COL21A1: variants seen among roughly 807,000 people sequenced by gnomAD.
The protein encoded by COL21A1 is collagen alpha-1(XXI) chain.
A neutral mutation model predicts 137.9 loss-of-function variants in COL21A1; 149 were observed. The observed-to-expected ratio is 1.08, with a 90% CI of 0.95 to 1.24. The LOEUF is 1.24. Among genes scored for constraint, COL21A1 ranks in the 50% most tolerant of loss-of-function variants. The pLI, the probability that COL21A1 is intolerant of heterozygous loss-of-function variation, is 0.00. For missense variants in COL21A1, 1,167 were observed against 1,158.4 expected (o/e 1.01, Z -0.11); for synonymous variants, 456 against 391.5 (o/e 1.16, Z -1.95).
chr6:56,355,225 G>C (rs1171570633), intron 1 of COL21A1, among the ~76,000 whole-genome samples: 1 of 152,222 alleles, frequency 6.6e-6, no homozygotes, highest in Non-Finnish European at 1.5e-5. Flanking sequence ...CTATGGAATA[G>C]TGCTGCCAAG....
intron 17 of COL21A1, among the ~76,000 whole-genome samples, chr6:56,097,846 AATATATAT>A (rs67546831): frequency 0.023 from 956 of 42,236 alleles, 97 homozygotes; most frequent in African/African-American, 0.062. Flanking sequence ...TAAATATATA[AATATATAT>A]AAATATATAA....
At chr6:56,333,716 C>G (rs1765280440) in intron 1 of COL21A1, among the ~76,000 whole-genome samples, 3 of 152,104 alleles carry the variant, frequency 2.0e-5, no homozygotes, top group African/African-American at 7.2e-5. Context: ...TCCAAAGTAT[C>G]ATTTTACTTT....
intron 18 of COL21A1, 101 bp from the exon 19 acceptor site, chr6:56,075,633 T>A (rs1039670832): frequency 6.1e-6 from 5 of 821,054 alleles, no homozygotes; most frequent in Non-Finnish European, 7.5e-6. Context: ...TGAATATCAA[T>A]CAGTTCACCT....
intron 1 of COL21A1, among the ~76,000 whole-genome samples, chr6:56,375,529 G>A (rs907172331): frequency 6.6e-6 from 1 of 152,072 alleles, no homozygotes; most frequent in African/African-American, 2.4e-5. Flanking sequence ...CCTTCTTCTT[G>A]CCCTGTCAGG....
intron 1 of COL21A1, among the ~76,000 whole-genome samples, chr6:56,258,964 C>T (rs897801999): frequency 1.3e-5 from 2 of 152,188 alleles, no homozygotes; most frequent in African/African-American, 2.4e-5. Context: ...TCATTATTAA[C>T]ATATTAAGGG....
intron 17 of COL21A1, among the ~76,000 whole-genome samples, chr6:56,081,188 CT>C (rs1443575886): frequency 1.3e-5 from 2 of 151,746 alleles, no homozygotes; most frequent in African/African-American, 2.4e-5. Context: ...TTGAAGTCAA[CT>C]TTTTTCCATG....
Position 56,314,870 on chromosome 6 carries a change from A to C in COL21A1, c.-39+79101T>G, listed in dbSNP as rs111887498. On this transcript the variant is annotated intron_variant, in intron 1 of 28. Transcript: ENST00000370819. ...TTGCAGTGCAGTAACTGTAAACCCA[A>C]GCAAAACCACTAGAGGGCAGGACAG... Among the ~76,000 whole-genome samples, 203 of 152,282 alleles carry C rather than the reference A, an allele frequency of 1.3e-3. 1 individual carries two copies. The highest frequency in any genetic ancestry group is 3.4e-3 in the Middle Eastern group (1 of 294).
intron 10 of COL21A1, among the ~76,000 whole-genome samples, chr6:56,149,208 T>C (rs12191865): frequency 0.15 from 22,919 of 151,956 alleles, 1,738 homozygotes; most frequent in Middle Eastern, 0.21. Flanking sequence ...AAATTCCCAG[T>C]GAAATCAAGA....
At chr6:56,303,310 A>G (rs981059200) in intron 1 of COL21A1, among the ~76,000 whole-genome samples, 2 of 152,282 alleles carry the variant, frequency 1.3e-5, no homozygotes, top group African/African-American at 4.8e-5. Context: ...GAATCTATAA[A>G]TTACCTTGGG....
intron 1 of COL21A1, among the ~76,000 whole-genome samples, chr6:56,218,674 T>C (rs1449479077): frequency 6.6e-6 from 1 of 152,140 alleles, no homozygotes; most frequent in Non-Finnish European, 1.5e-5. Context: ...GAAATGATGT[T>C]AGACAAAAAG....
At chr6:56,195,153 A>G (rs1014967534) in intron 1 of COL21A1, among the ~76,000 whole-genome samples, 8 of 152,138 alleles carry the variant, frequency 5.3e-5, no homozygotes, top group Non-Finnish European at 1.2e-4. Flanking sequence ...TGGATTTCTC[A>G]GCCTCCATAA....
intron 2 of COL21A1, among the ~76,000 whole-genome samples, chr6:56,181,226 C>A (rs939499618): frequency 1.3e-5 from 2 of 152,216 alleles, no homozygotes; most frequent in African/African-American, 4.8e-5. Flanking sequence ...ATTCCAACAA[C>A]CTCTGCCATG....
At chr6:56,158,852 C>T (rs1775986057) in intron 9 of COL21A1, among the ~76,000 whole-genome samples, 2 of 151,954 alleles carry the variant, frequency 1.3e-5, no homozygotes, top group Admixed American at 6.6e-5. Flanking sequence ...TTTTAAAAGA[C>T]AGAAAGAAGA....
At chr6:56,139,542 A>C (rs1178916372) in intron 12 of COL21A1, among the ~76,000 whole-genome samples, 2 of 152,152 alleles carry the variant, frequency 1.3e-5, no homozygotes, top group East Asian at 3.8e-4. Flanking sequence ...GTGTTATCAG[A>C]AAATCACATG....
chr6:56,187,304 A>G (rs1778365729), intron 1 of COL21A1, among the ~76,000 whole-genome samples: 3 of 152,176 alleles, frequency 2.0e-5, no homozygotes, highest in South Asian at 4.1e-4. Context: ...CATGAAAAGG[A>G]TGTATCTAAC....
chr6:56,185,844 T>G (rs536688138), intron 1 of COL21A1, among the ~76,000 whole-genome samples: 199 of 152,286 alleles, frequency 1.3e-3, no homozygotes, highest in African/African-American at 4.0e-3. Context: ...CTGGTCCAGA[T>G]AGCTTCACCA....
At chr6:56,130,602 G>A (rs1019169641) in intron 12 of COL21A1, among the ~76,000 whole-genome samples, 24 of 152,130 alleles carry the variant, frequency 1.6e-4, no homozygotes, top group Non-Finnish European at 2.6e-4. Flanking sequence ...ATTGGAGATG[G>A]CAAACAGATC....
At chr6:56,308,378 A>T (rs1047850825) in intron 1 of COL21A1, among the ~76,000 whole-genome samples, 4 of 152,254 alleles carry the variant, frequency 2.6e-5, no homozygotes, top group Admixed American at 6.5e-5. Flanking sequence ...TATCATTTAT[A>T]AATGACTCAG....
At chr6:56,171,231 A>T (rs1173151968) in intron 3 of COL21A1, 103 bp from the exon 4 acceptor site, 3 of 686,080 alleles carry the variant, frequency 4.4e-6, no homozygotes, top group Non-Finnish European at 6.9e-6. Context: ...CTATCATTAG[A>T]ATTATAAAAT....
Sources: gnomAD v4.1 joint callset for allele counts (sites outside exome capture counted in the v4.1 genomes callset) on GRCh38, gnomAD v4.1.1 for gene constraint, MANE v1.5 for transcripts, NCBI Gene and HGNC (gene_info 2026-07-23, HGNC 2026-07-21) for gene names.